RAB38: variants seen among roughly 807,000 people sequenced by gnomAD.
RAB38 encodes RAB38, member RAS oncogene family.
Under a neutral mutation model 18.4 loss-of-function variants are expected in RAB38, and 15 were observed. The observed-to-expected ratio is 0.82, with a 90% CI of 0.55 to 1.26. The LOEUF is 1.26. Among genes scored for constraint, RAB38 ranks in the 50% most tolerant of loss-of-function variants. RAB38 has a pLI of 0.00. For synonymous variants in RAB38, 101 were observed against 104.4 expected, an observed-to-expected ratio of 0.97 and a Z score of 0.20; for missense variants, 294 against 267.4, an observed-to-expected ratio of 1.10 and a Z score of -0.69.
the RAB38 span, among the ~76,000 whole-genome samples, chr11:88,049,607 G>C: frequency 6.6e-6 from 1 of 152,190 alleles, no homozygotes; most frequent in Non-Finnish European, 1.5e-5. Context: ...AGCCTGTTTG[G>C]TGGTCTCTTC....
chr11:87,840,245 T>A, the RAB38 span, among the ~76,000 whole-genome samples: 1 of 150,894 alleles, frequency 6.6e-6, no homozygotes, highest in South Asian at 2.1e-4. Flanking sequence ...CTTACTGAAG[T>A]TTTTTGGCAT....
chr11:88,055,599 T>C, the RAB38 span, among the ~76,000 whole-genome samples: 1 of 152,148 alleles, frequency 6.6e-6, no homozygotes, highest in Non-Finnish European at 1.5e-5. Flanking sequence ...GGTACTGTGA[T>C]AGAAAAACTA....
the RAB38 span, among the ~76,000 whole-genome samples, chr11:87,904,792 G>A: frequency 6.6e-6 from 1 of 151,640 alleles, no homozygotes; most frequent in Non-Finnish European, 1.5e-5. Flanking sequence ...GTGTGAAATG[G>A]TGTCTCACTG....
At chr11:87,849,868 T>C in the RAB38 span, among the ~76,000 whole-genome samples, 1 of 152,108 alleles carries the variant, frequency 6.6e-6, no homozygotes, top group East Asian at 1.9e-4. Flanking sequence ...TATATAGGTA[T>C]TTTCTTTGAC....
At chr11:87,950,669 T>C in the RAB38 span, among the ~76,000 whole-genome samples, 1 of 152,188 alleles carries the variant, frequency 6.6e-6, no homozygotes, top group Non-Finnish European at 1.5e-5. Flanking sequence ...GGATATGAAA[T>C]TCTGGGTTGA....
the RAB38 span, among the ~76,000 whole-genome samples, chr11:87,905,755 T>A: frequency 2.5e-4 from 38 of 152,070 alleles, no homozygotes; most frequent in Admixed American, 1.3e-3. Flanking sequence ...TCATCCTGTG[T>A]GTGCATACTT....
At chr11:88,127,171 C>T (rs557058735) in intron 2 of RAB38, among the ~76,000 whole-genome samples, 1 of 152,232 alleles carries the variant, frequency 6.6e-6, no homozygotes, top group East Asian at 1.9e-4. Context: ...GTGGAGTGTG[C>T]CTTGTGTTCA....
chr11:87,845,674 A>ATT, the RAB38 span, among the ~76,000 whole-genome samples: 1 of 152,170 alleles, frequency 6.6e-6, no homozygotes, highest in Non-Finnish European at 1.5e-5. Context: ...AAAGTCTTAC[A>ATT]TTTATAAATT....
the RAB38 span, among the ~76,000 whole-genome samples, chr11:87,955,264 A>T: frequency 6.6e-6 from 1 of 152,220 alleles, no homozygotes; most frequent in East Asian, 1.9e-4. Context: ...CAAATTATAA[A>T]GGAAATATAT....
At chr11:87,884,463 T>A in the RAB38 span, among the ~76,000 whole-genome samples, 1 of 151,862 alleles carries the variant, frequency 6.6e-6, no homozygotes, top group African/African-American at 2.4e-5. Context: ...AATGACAAGA[T>A]GGTTTGTAGC....
chr11:88,093,581 T>A, the RAB38 span, among the ~76,000 whole-genome samples: 1 of 151,978 alleles, frequency 6.6e-6, no homozygotes, highest in Non-Finnish European at 1.5e-5. Flanking sequence ...GGATTGTTTA[T>A]AACAGTATCC....
At chr11:88,054,375 T>C in the RAB38 span, among the ~76,000 whole-genome samples, 1 of 152,200 alleles carries the variant, frequency 6.6e-6, no homozygotes, top group Non-Finnish European at 1.5e-5. Context: ...AAATAAAACA[T>C]GTAATACTTC....
At chr11:88,007,884 A>G in the RAB38 span, among the ~76,000 whole-genome samples, 1 of 152,162 alleles carries the variant, frequency 6.6e-6, no homozygotes, top group Non-Finnish European at 1.5e-5. Context: ...TTATTTAAAT[A>G]ATGGAATACT....
intron 1 of RAB38, among the ~76,000 whole-genome samples, chr11:88,163,215 C>T (rs995477143): frequency 6.6e-6 from 1 of 152,054 alleles, no homozygotes; most frequent in Non-Finnish European, 1.5e-5. Flanking sequence ...AACACAGGTA[C>T]CCTAAGAGGC....
chr11:88,031,608 A>G, the RAB38 span, among the ~76,000 whole-genome samples: 1 of 151,950 alleles, frequency 6.6e-6, no homozygotes, highest in Non-Finnish European at 1.5e-5. Context: ...GAGCCAAATC[A>G]TGAGTGAACT....
the RAB38 span, among the ~76,000 whole-genome samples, chr11:87,840,787 C>T: frequency 2.0e-5 from 3 of 152,166 alleles, no homozygotes; most frequent in Admixed American, 6.5e-5. Flanking sequence ...TTTATAGACA[C>T]ACCTCTATAT....
the RAB38 span, among the ~76,000 whole-genome samples, chr11:87,810,044 A>G: frequency 1.3e-5 from 2 of 152,182 alleles, no homozygotes; most frequent in African/African-American, 4.8e-5. Context: ...TAACTAAGGG[A>G]AACATTTTTC....
the RAB38 span, among the ~76,000 whole-genome samples, chr11:88,043,752 C>T: frequency 0.89 from 135,940 of 152,218 alleles, 60,988 homozygotes; most frequent in African/African-American, 0.97. Flanking sequence ...AACAGCCTTG[C>T]TGCTCACACA....
At chr11:87,943,297 T>G in the RAB38 span, among the ~76,000 whole-genome samples, 4 of 152,110 alleles carry the variant, frequency 2.6e-5, no homozygotes, top group African/African-American at 9.7e-5. Flanking sequence ...TAAATTATTT[T>G]TATTGTTATT....
Sources: gnomAD v4.1 joint callset for allele counts (sites outside exome capture counted in the v4.1 genomes callset) on GRCh38, gnomAD v4.1.1 for gene constraint, MANE v1.5 for transcripts, NCBI Gene and HGNC (gene_info 2026-07-23, HGNC 2026-07-21) for gene names.